Variants in ANKRD13C observed in about 807,000 individuals in gnomAD.
ANKRD13C encodes the protein ankyrin repeat domain 13C, also known as ankyrin repeat domain-containing protein 13C.
A neutral mutation model predicts 65.5 loss-of-function variants in ANKRD13C; 16 were observed. The observed-to-expected ratio is 0.24, with a 90% CI of 0.17 to 0.37. The LOEUF is 0.37. Among genes scored for constraint, ANKRD13C ranks in the 10% least tolerant of loss-of-function variants. The pLI, the probability that ANKRD13C is intolerant of heterozygous loss-of-function variation, is 1.00. For synonymous variants in ANKRD13C, 235 were observed against 238.7 expected, an observed-to-expected ratio of 0.98 and a Z score of 0.14; for missense variants, 503 against 655.9, an observed-to-expected ratio of 0.77 and a Z score of 2.55.
intron 2 of ANKRD13C, among the ~76,000 whole-genome samples, chr1:70,334,015 A>G (rs144718961): frequency 6.6e-6 from 1 of 152,226 alleles, no homozygotes; most frequent in African/African-American, 2.4e-5. Flanking sequence ...TGAATCACCA[A>G]TTATATAGAA....
chr1:70,354,099 C>A lies in ANKRD13C; in HGVS notation c.310G>T (p.Val104Phe), dbSNP rs780729550. 1.2e-6 allele frequency: 2 copies of A among 1,612,484 alleles called. No individual in the cohort carries two copies. The highest frequency in any genetic ancestry group is 1.7e-6 in the Non-Finnish European group (2 of 1,178,946). The change falls in exon 1 of 13, where the codon GTC (valine) becomes TTC (phenylalanine). Residue 104 changes from valine to phenylalanine, a missense_variant. Val to Phe is a conservative substitution (Grantham distance 50, BLOSUM62 -1). Coordinates refer to ENST00000370944, the MANE Select transcript of ANKRD13C (RefSeq NM_030816.5). ...LLAGTNPVAV[V>F]ADGGSCPAHY... Reference sequence around the variant, plus strand: ...GCGGGGCAACTGCCTCCATCCGCGACGACAGCAACGGGGTTGGTGCCGGCC... The same window carrying A: ...GCGGGGCAACTGCCTCCATCCGCGAAGACAGCAACGGGGTTGGTGCCGGCC...
intron 1 of ANKRD13C, among the ~76,000 whole-genome samples, chr1:70,338,972 C>G (rs75415302): frequency 6.6e-6 from 1 of 152,060 alleles, no homozygotes; most frequent in Non-Finnish European, 1.5e-5. Flanking sequence ...CTACAGTCAC[C>G]GTACTTTGGA....
intron 8 of ANKRD13C, among the ~76,000 whole-genome samples, chr1:70,294,406 C>T (rs920115383): frequency 4.8e-4 from 73 of 152,254 alleles, no homozygotes; most frequent in African/African-American, 1.7e-3. Flanking sequence ...TTTGGTCAAA[C>T]GCCAGTCTAG....
chr1:70,302,255 C>T (rs912596704), intron 6 of ANKRD13C, among the ~76,000 whole-genome samples: 1 of 151,214 alleles, frequency 6.6e-6, no homozygotes. Flanking sequence ...AGTATGGTTG[C>T]CTTATGTATC....
chr1:70,335,760 A>G (rs1681998195), intron 2 of ANKRD13C, among the ~76,000 whole-genome samples: 1 of 150,746 alleles, frequency 6.6e-6, no homozygotes, highest in East Asian at 1.9e-4. Context: ...ATAAATCTTA[A>G]TATTTGGAAA....
In ANKRD13C at chr1:70,281,870, A is replaced by G. The variant is rs111469025; in HGVS notation, c.1216-5026T>C. Among the ~76,000 whole-genome samples, 936 of 151,176 alleles carry G rather than the reference A, an allele frequency of 6.2e-3. 8 individuals are homozygous for G. The highest frequency in any genetic ancestry group is 0.021 in the African/African-American group (880 of 41,316). On this transcript the variant is annotated intron_variant, in intron 9 of 12. Transcript: ENST00000370944. ...GACACCAGCCTGGCCAACATGGTGA[A>G]ACCCCGTCTCTACTAACTACTCAAG...
In ANKRD13C at chr1:70,319,607, C is replaced by CA. The variant is rs1180827448; in HGVS notation, c.578-4042dup. On this transcript the variant is annotated intron_variant, in intron 3 of 12. Transcript: ENST00000370944. The stretch of plus-strand genomic sequence containing the variant: ...GAGCAACAAGAGGGAAACTCCATCT[C>CA]AAAAAAAAAAAGAAACCAAATACAT... Among the ~76,000 whole-genome samples, 225 of 121,096 alleles carry CA rather than the reference C, an allele frequency of 1.9e-3. 3 individuals carry two copies. The East Asian group carries it at 0.026, about 14-fold the overall frequency. The allele number at this position is 121,096 out of a possible 152,430, so 79.4% of individuals were successfully genotyped here.
chr1:70,348,489 A>G (rs1482173147), intron 1 of ANKRD13C, among the ~76,000 whole-genome samples: 4 of 152,034 alleles, frequency 2.6e-5, no homozygotes, highest in Admixed American at 1.3e-4. Flanking sequence ...CTGGTCTTGA[A>G]CTCCCGACCT....
chr1:70,328,024 C>A (rs1265084717), intron 2 of ANKRD13C, among the ~76,000 whole-genome samples: 1 of 152,010 alleles, frequency 6.6e-6, no homozygotes, highest in Non-Finnish European at 1.5e-5. Flanking sequence ...GAGACTGTAC[C>A]ACTGAGCGAG....
At chr1:70,280,281 G>C (rs1679329257) in intron 9 of ANKRD13C, among the ~76,000 whole-genome samples, 1 of 152,100 alleles carries the variant, frequency 6.6e-6, no homozygotes, top group East Asian at 1.9e-4. Flanking sequence ...GACAGACTAG[G>C]GTAGCCAAAA....
At chr1:70,352,205 T>C (rs933840107) in intron 1 of ANKRD13C, among the ~76,000 whole-genome samples, 53 of 151,730 alleles carry the variant, frequency 3.5e-4, no homozygotes, top group African/African-American at 1.3e-3. Context: ...CCTGGCGCGG[T>C]GGTGGGCGCC....
At chr1:70,285,187 CTTTTTTTTTTT>C (rs60703728) in intron 9 of ANKRD13C, among the ~76,000 whole-genome samples, 2 of 105,236 alleles carry the variant, frequency 1.9e-5, no homozygotes, top group African/African-American at 8.4e-5. Flanking sequence ...TTTATAATGT[CTTTTTTTTTTT>C]TTTTTTTTTT....
chr1:70,294,760 C>T (rs1272795354), intron 8 of ANKRD13C, among the ~76,000 whole-genome samples: 3 of 151,928 alleles, frequency 2.0e-5, no homozygotes, highest in South Asian at 2.1e-4. Context: ...CAAGCACCTG[C>T]GACTATAGGC....
chr1:70,287,847 A>T (rs1254364843), intron 9 of ANKRD13C, among the ~76,000 whole-genome samples: 2 of 152,154 alleles, frequency 1.3e-5, no homozygotes, highest in Non-Finnish European at 2.9e-5. Context: ...TCTCTACAAA[A>T]AAATAAAAAA....
At chr1:70,277,985 T>G (rs1317784529) in intron 9 of ANKRD13C, among the ~76,000 whole-genome samples, 1 of 150,648 alleles carries the variant, frequency 6.6e-6, no homozygotes, top group South Asian at 2.1e-4. Context: ...CCCATGAGTT[T>G]GAGACCAGCC....
At chr1:70,303,264 A>G (rs766048061) in intron 6 of ANKRD13C, among the ~76,000 whole-genome samples, 15 of 152,236 alleles carry the variant, frequency 9.9e-5, no homozygotes, top group Non-Finnish European at 1.9e-4. Flanking sequence ...AATTATCACG[A>G]TAACATTTTA....
chr1:70,339,586 T>C (rs961812611), intron 1 of ANKRD13C, among the ~76,000 whole-genome samples: 1 of 151,992 alleles, frequency 6.6e-6, no homozygotes, highest in Non-Finnish European at 1.5e-5. Flanking sequence ...CCCAAAATGC[T>C]AGGATTAGAG....
chr1:70,264,004 T>G (rs147961457), intron 12 of ANKRD13C, among the ~76,000 whole-genome samples: 89 of 152,306 alleles, frequency 5.8e-4, no homozygotes, highest in African/African-American at 2.1e-3. Context: ...TTATAGAGTT[T>G]CCAGTTATTT....
chr1:70,330,344 G>T (rs1336796536), intron 2 of ANKRD13C, among the ~76,000 whole-genome samples: 1 of 152,050 alleles, frequency 6.6e-6, no homozygotes, highest in Non-Finnish European at 1.5e-5. Flanking sequence ...GATCACCTGA[G>T]GTACGGGGTT....
Sources: allele counts gnomAD v4.1 joint callset (sites outside exome capture counted in the v4.1 genomes callset), GRCh38; gene constraint gnomAD v4.1.1; transcripts MANE v1.5; gene names NCBI Gene and HGNC (gene_info 2026-07-23, HGNC 2026-07-21).